The following MAGI2 variants were observed in gnomAD, a reference collection of about 807,000 sequenced individuals.
The protein encoded by MAGI2 is membrane associated guanylate kinase, WW and PDZ domain containing 2.
A neutral mutation model predicts 133.3 loss-of-function variants in MAGI2; 35 were observed. The observed-to-expected ratio is 0.26, with a 90% CI of 0.20 to 0.35. The LOEUF is 0.35. Ranked by LOEUF, MAGI2 falls within the 10% of genes least tolerant of loss-of-function variation. The pLI, the probability that MAGI2 is intolerant of heterozygous loss-of-function variation, is 1.00. For missense variants in MAGI2, 1,636 were observed against 1,863.4 expected (o/e 0.88, Z 2.25); for synonymous variants, 729 against 710.6 (o/e 1.03, Z -0.41).
chr7:78,473,647 C>A (rs981052178), intron 6 of MAGI2, among the ~76,000 whole-genome samples: 1 of 150,774 alleles, frequency 6.6e-6, no homozygotes, highest in East Asian at 2.0e-4. Context: ...ACCATGCACA[C>A]TTTTTCATCA....
chr7:78,891,318 A>T (rs1238830053), intron 2 of MAGI2, among the ~76,000 whole-genome samples: 4 of 152,232 alleles, frequency 2.6e-5, no homozygotes, highest in Non-Finnish European at 5.9e-5. Context: ...AGCTGGTACC[A>T]TTAATTCTGA....
intron 3 of MAGI2, among the ~76,000 whole-genome samples, chr7:78,525,596 AAAATT>A (rs1481289726): frequency 2.6e-5 from 4 of 152,242 alleles, no homozygotes; most frequent in Non-Finnish European, 5.9e-5. Flanking sequence ...TAGAAAATCT[AAAATT>A]AAAACAGACG....
chr7:78,142,950 A>G (rs1822912540), intron 16 of MAGI2, among the ~76,000 whole-genome samples: 1 of 152,076 alleles, frequency 6.6e-6, no homozygotes, highest in South Asian at 2.1e-4. Context: ...ATCTTTTTTG[A>G]CCTGTTTGGG....
intron 10 of MAGI2, among the ~76,000 whole-genome samples, chr7:78,230,046 C>CT (rs1161860783): frequency 6.6e-6 from 1 of 151,966 alleles, no homozygotes. Context: ...ACACATTGTC[C>CT]TTTTTTTTGT....
At chr7:78,079,217 T>A (rs1228783016) in intron 20 of MAGI2, 132 bp from the exon 21 acceptor site, 11 of 800,690 alleles carry the variant, frequency 1.4e-5, no homozygotes, top group Non-Finnish European at 2.3e-5. Context: ...TGCTGCTTTT[T>A]GGAAGAGGCT....
At chr7:78,040,109 GTAA>G (rs202209615) in intron 21 of MAGI2, among the ~76,000 whole-genome samples, 1 of 144,610 alleles carries the variant, frequency 6.9e-6, no homozygotes, top group South Asian at 2.2e-4. Context: ...GACATTATTA[GTAA>G]TAATAATTCG....
intron 2 of MAGI2, among the ~76,000 whole-genome samples, chr7:78,689,013 A>C (rs567973263): frequency 6.6e-6 from 1 of 152,330 alleles, no homozygotes; most frequent in South Asian, 2.1e-4. Flanking sequence ...TTGAGATATC[A>C]AAATTGCTTT....
At chr7:79,028,219 ATATATATATATGTATGT>A (rs1810103522) in intron 1 of MAGI2, among the ~76,000 whole-genome samples, 1 of 64,474 alleles carries the variant, frequency 1.6e-5, no homozygotes, top group Admixed American at 1.8e-4. Context: ...TCAAAAAAAT[ATATATATATATGTATGT>A]ATATATATAT....
chr7:78,766,267 G>A (rs537856443), intron 2 of MAGI2, among the ~76,000 whole-genome samples: 5 of 152,316 alleles, frequency 3.3e-5, no homozygotes, highest in South Asian at 2.1e-4. Flanking sequence ...TTGTTGCTTC[G>A]TGGAGAAAGA....
At chr7:78,999,349 T>G (rs182258434) in intron 2 of MAGI2, among the ~76,000 whole-genome samples, 8 of 152,036 alleles carry the variant, frequency 5.3e-5, no homozygotes, top group African/African-American at 1.9e-4. Context: ...CTCAAACTAG[T>G]GTCCTGTGGT....
chr7:78,491,003 T>C (rs1793555128), intron 5 of MAGI2, among the ~76,000 whole-genome samples: 2 of 152,082 alleles, frequency 1.3e-5, no homozygotes, highest in South Asian at 4.1e-4. Context: ...AGGCATACTT[T>C]ACTACAGTTG....
intron 7 of MAGI2, among the ~76,000 whole-genome samples, chr7:78,355,014 T>G (rs1791917764): frequency 6.6e-6 from 1 of 152,170 alleles, no homozygotes; most frequent in Non-Finnish European, 1.5e-5. Context: ...ATAAGTTGCT[T>G]CAGTGTTGTT....
chr7:78,520,389 C>G (rs1044656394), intron 4 of MAGI2, among the ~76,000 whole-genome samples: 1 of 151,896 alleles, frequency 6.6e-6, no homozygotes, highest in Non-Finnish European at 1.5e-5. Flanking sequence ...ATAAAAATAA[C>G]AGCATAAAAA....
Position 78,024,975 on chromosome 7 carries a change from A to G in MAGI2, c.3707-4999T>C, listed in dbSNP as rs563741462. 2.6e-5 allele frequency among the ~76,000 whole-genome samples: 4 copies of G among 152,314 alleles called. No homozygotes were observed. In the East Asian group the frequency reaches 5.8e-4, roughly 22 times the overall value. On this transcript the variant is annotated intron_variant, in intron 21 of 21. Coordinates refer to ENST00000354212, the MANE Select transcript of MAGI2 (RefSeq NM_012301.4). ...ATTCACAGCTATCTCTTTGAGACAT[A>G]AATTAGATCATGCCATTCCCTTGCT...
rs193176728 is a variant in MAGI2, at chr7:78,123,660, C to T, written c.3567+2034G>A. 1.9e-3 allele frequency among the ~76,000 whole-genome samples: 283 copies of T among 152,186 alleles called. 1 individual carries two copies. The highest frequency in any genetic ancestry group is 6.6e-3 in the African/African-American group (274 of 41,504). ...TTCTGGGAAGGACAAAATTTCAGCA[C>T]GATACTCACAACGCTGCACAATTTA... is the stretch of plus-strand genomic sequence containing the variant. On this transcript the variant is annotated intron_variant, in intron 20 of 21. Transcript: ENST00000354212.
Position 79,039,228 on chromosome 7 carries a change from G to A in MAGI2, c.302-32022C>T, listed in dbSNP as rs539221802. Among the ~76,000 whole-genome samples, 39 of 152,068 alleles carry A rather than the reference G, an allele frequency of 2.6e-4. 1 individual carries two copies. The highest frequency in any genetic ancestry group is 2.1e-3 in the South Asian group (10 of 4,812). The stretch of plus-strand genomic sequence containing the variant: ...TCGCTCTGCACTTCTCTCTCCTGCC[G>A]CCATGTGAAGGACATGTTTGCTCCC... On this transcript the variant is annotated intron_variant, in intron 1 of 21. Coordinates refer to ENST00000354212, the MANE Select transcript of MAGI2 (RefSeq NM_012301.4).
rs114456361 is a variant in MAGI2, at chr7:78,546,612, C to T, written c.539-24967G>A. Among the ~76,000 whole-genome samples, 295 of 152,178 alleles carry T rather than the reference C, an allele frequency of 1.9e-3. 1 individual carries two copies. Among genetic ancestry groups the T allele is most frequent in the African/African-American group, 6.6e-3 (274 of 41,502 alleles). ...AGTATATTGCCAACAGCTGTGTCCC[C>T]CTGTGTCCTCTCCCTTAGTAGAAAG... On this transcript the variant is annotated intron_variant, in intron 3 of 21. Transcript: ENST00000354212.
At chr7:78,052,368 C>T (rs576674723) in intron 21 of MAGI2, among the ~76,000 whole-genome samples, 5 of 152,278 alleles carry the variant, frequency 3.3e-5, no homozygotes, top group East Asian at 1.9e-4. Context: ...TTCTTGCTTC[C>T]TCTCTCACCA....
chr7:78,518,326 A>T (rs1195976995), intron 4 of MAGI2: 1 of 152,214 alleles, frequency 6.6e-6, no homozygotes, highest in African/African-American at 2.4e-5. Context: ...ATTTGGTTAT[A>T]TAAGACTCAG....
Sources: allele counts gnomAD v4.1 joint callset (sites outside exome capture counted in the v4.1 genomes callset), GRCh38; gene constraint gnomAD v4.1.1; transcripts MANE v1.5; gene names NCBI Gene and HGNC (gene_info 2026-07-23, HGNC 2026-07-21).